The following TENM3 variants were observed in gnomAD, a reference collection of about 807,000 sequenced individuals.
TENM3 encodes the protein teneurin-3.
In TENM3, 63 loss-of-function variants were observed where a neutral mutation model predicts 255.1. The observed-to-expected ratio is 0.25, with a 90% confidence interval of 0.20 to 0.30. The LOEUF is 0.30. TENM3 is among the 10% of genes least tolerant of loss of function. TENM3 has a pLI of 1.00. For synonymous variants in TENM3, 1,306 were observed against 1,322.3 expected, an observed-to-expected ratio of 0.99 and a Z score of 0.27; for missense variants, 2,929 against 3,461.1, an observed-to-expected ratio of 0.85 and a Z score of 3.86.
intron 5 of TENM3, 21 bp downstream of exon 5, chr4:182,628,910 T>A: frequency 1.5e-6 from 2 of 1,378,492 alleles, no homozygotes; most frequent in Non-Finnish European, 2.0e-6. Flanking sequence ...GTTCTTAGAA[T>A]TACTTTGTCT....
At chr4:182,693,487 C>A (rs1757162870) in intron 12 of TENM3, among the ~76,000 whole-genome samples, 1 of 152,024 alleles carries the variant, frequency 6.6e-6, no homozygotes. Flanking sequence ...CAGGCGCCCA[C>A]CACCACACCC....
chr4:181,526,674 T>C, the TENM3 span, among the ~76,000 whole-genome samples: 149 of 152,220 alleles, frequency 9.8e-4, no homozygotes, highest in Non-Finnish European at 1.4e-3. Flanking sequence ...ATGGTGGTGA[T>C]GGTGGTGGTG....
At chr4:181,742,963 G>T in the TENM3 span, among the ~76,000 whole-genome samples, 2 of 150,870 alleles carry the variant, frequency 1.3e-5, no homozygotes, top group Non-Finnish European at 2.9e-5. Context: ...TACTGAGAAT[G>T]ATGATTTCCA....
chr4:182,551,229 A>AC (rs985361558), intron 3 of TENM3, among the ~76,000 whole-genome samples: 1 of 151,880 alleles, frequency 6.6e-6, no homozygotes, highest in African/African-American at 2.4e-5. Flanking sequence ...TAAAAAAAAA[A>AC]AAAAAAAAAA....
chr4:182,775,276 A>G, intron 24 of TENM3, 123 bp downstream of exon 24: 3 of 862,002 alleles, frequency 3.5e-6, no homozygotes, highest in South Asian at 1.7e-5. Context: ...CACCTCGCTC[A>G]GTGTGGTTCC....
chr4:181,776,362 TA>T, the TENM3 span, among the ~76,000 whole-genome samples: 1 of 152,152 alleles, frequency 6.6e-6, no homozygotes, highest in South Asian at 2.1e-4. Flanking sequence ...CTATTGTGAA[TA>T]GTTCTGCAAT....
the TENM3 span, among the ~76,000 whole-genome samples, chr4:182,135,940 A>C: frequency 6.6e-6 from 1 of 152,250 alleles, no homozygotes; most frequent in Non-Finnish European, 1.5e-5. Flanking sequence ...CTTGTAATCA[A>C]GTTTGACATG....
chr4:181,465,610 C>A, the TENM3 span, among the ~76,000 whole-genome samples: 1 of 152,028 alleles, frequency 6.6e-6, no homozygotes, highest in African/African-American at 2.4e-5. Flanking sequence ...ATTCTAGAGC[C>A]CATAGAACTT....
chr4:182,653,366 G>GA lies in TENM3; in HGVS notation c.989-403dup, dbSNP rs1753492153. Among the ~76,000 whole-genome samples the GA allele has an allele frequency of 2.0e-5, 3 of 152,204 alleles. No homozygotes were observed. In the South Asian group the frequency reaches 6.2e-4, roughly 31 times the overall value. On this transcript the variant is annotated intron_variant, in intron 5 of 27. Coordinates refer to ENST00000511685, the MANE Select transcript of TENM3 (RefSeq NM_001080477.4). ...AAAGGTAGAGGATCATGTCTCTTAA[G>GA]AATCTACAGGTGTTGCAGCAAAGTA...
the TENM3 span, among the ~76,000 whole-genome samples, chr4:181,646,531 C>T: frequency 6.6e-6 from 1 of 152,148 alleles, no homozygotes; most frequent in Non-Finnish European, 1.5e-5. Context: ...TTTTACTCAG[C>T]CCAAACCTAA....
At chr4:181,589,556 G>T in the TENM3 span, among the ~76,000 whole-genome samples, 3 of 152,108 alleles carry the variant, frequency 2.0e-5, no homozygotes, top group Non-Finnish European at 4.4e-5. Flanking sequence ...ATGTTTAGGG[G>T]GGGCAAAATT....
chr4:182,428,463 A>G (rs1771392832), intron 3 of TENM3, among the ~76,000 whole-genome samples: 1 of 150,994 alleles, frequency 6.6e-6, no homozygotes, highest in Admixed American at 6.7e-5. Context: ...CTCCACGTTC[A>G]CTTTCCCAAA....
the TENM3 span, among the ~76,000 whole-genome samples, chr4:181,648,496 G>C: frequency 1.3e-5 from 2 of 152,118 alleles, no homozygotes. Context: ...AACAGAATTA[G>C]CTTTTGTGCT....
the TENM3 span, among the ~76,000 whole-genome samples, chr4:181,799,511 ATATT>A: frequency 2.6e-5 from 4 of 152,236 alleles, no homozygotes; most frequent in African/African-American, 9.6e-5. Context: ...CCTCAATAGC[ATATT>A]TATTTAATCA....
chr4:182,788,056 T>C (rs777889190), intron 24 of TENM3, among the ~76,000 whole-genome samples: 4 of 152,216 alleles, frequency 2.6e-5, no homozygotes, highest in Non-Finnish European at 5.9e-5. Flanking sequence ...TGGTTGTGTG[T>C]GTGTGTAAAA....
At chr4:182,317,548 T>C (rs899106476) in intron 1 of TENM3, among the ~76,000 whole-genome samples, 2 of 152,048 alleles carry the variant, frequency 1.3e-5, no homozygotes, top group Non-Finnish European at 2.9e-5. Flanking sequence ...GCTCAAGCAA[T>C]GTTCCTGCTT....
At chr4:181,867,430 G>A in the TENM3 span, among the ~76,000 whole-genome samples, 1 of 152,104 alleles carries the variant, frequency 6.6e-6, no homozygotes, top group African/African-American at 2.4e-5. Context: ...CACCCCTCCC[G>A]TTGGAAGTCA....
chr4:182,560,513 C>T (rs558541308), intron 3 of TENM3, among the ~76,000 whole-genome samples: 5 of 152,286 alleles, frequency 3.3e-5, no homozygotes, highest in African/African-American at 1.2e-4. Context: ...AGTCACTCTG[C>T]TAGGGAAGAG....
At chr4:182,170,624 G>A (rs1561163796) in intron 1 of TENM3, among the ~76,000 whole-genome samples, 2 of 63,426 alleles carry the variant, frequency 3.2e-5, no homozygotes, top group African/African-American at 9.8e-5. Flanking sequence ...GTCAGGTTTT[G>A]GTTAATGGTA....
Sources: gnomAD v4.1 joint callset for allele counts (sites outside exome capture counted in the v4.1 genomes callset) on GRCh38, gnomAD v4.1.1 for gene constraint, MANE v1.5 for transcripts, NCBI Gene and HGNC (gene_info 2026-07-23, HGNC 2026-07-21) for gene names.